MIPEP: variants seen among roughly 807,000 people sequenced by gnomAD.
The protein encoded by MIPEP is mitochondrial intermediate peptidase.
A neutral mutation model predicts 90.3 loss-of-function variants in MIPEP; 79 were observed. That is an observed-to-expected ratio of 0.87 (90% CI 0.73 to 1.05). MIPEP has a LOEUF of 1.05. Ranked by LOEUF, MIPEP falls within the 50% of genes least tolerant of loss-of-function variation. The pLI is 0.00. For missense variants in MIPEP, 940 were observed against 905.6 expected (o/e 1.04, Z -0.49); for synonymous variants, 334 against 315.8 (o/e 1.06, Z -0.61).
chr13:23,738,867 C>T (rs1199163813), intron 18 of MIPEP, among the ~76,000 whole-genome samples: 1 of 152,200 alleles, frequency 6.6e-6, no homozygotes, highest in African/African-American at 2.4e-5. Flanking sequence ...CCGAGCCCTG[C>T]TGAATCAGAA....
At chr13:23,730,845 T>A (rs917913858) in intron 18 of MIPEP, among the ~76,000 whole-genome samples, 1 of 152,230 alleles carries the variant, frequency 6.6e-6, no homozygotes, top group Non-Finnish European at 1.5e-5. Context: ...CTATACACTT[T>A]ACAATCAATT....
Position 23,738,163 on chromosome 13 carries a change from A to C in MIPEP, c.2045-7718T>G, listed in dbSNP as rs368799729. 3.8e-4 allele frequency among the ~76,000 whole-genome samples: 58 copies of C among 152,302 alleles called. 1 individual carries two copies. The South Asian group carries it at 4.4e-3, about 11-fold the overall frequency. Reference sequence around the variant, plus strand: ...GAAGGCAAAACAAACAAACAACCCCAAAAAAGAAAAAACATGTTATTTATT... The same window carrying C: ...GAAGGCAAAACAAACAAACAACCCCCAAAAAGAAAAAACATGTTATTTATT... On this transcript the variant is annotated intron_variant, in intron 18 of 18. Transcript: ENST00000382172.
chr13:23,794,002 T>C (rs185975570), intron 16 of MIPEP, among the ~76,000 whole-genome samples: 285 of 152,196 alleles, frequency 1.9e-3, no homozygotes, highest in African/African-American at 6.7e-3. Context: ...CTCAAATCTG[T>C]ATTTAGAAAA....
chr13:23,792,920 G>A (rs1021204509), intron 16 of MIPEP, among the ~76,000 whole-genome samples: 8 of 152,186 alleles, frequency 5.3e-5, no homozygotes, highest in African/African-American at 1.9e-4. Context: ...CATTCTCCAT[G>A]CTCCAGAATG....
intron 18 of MIPEP, among the ~76,000 whole-genome samples, chr13:23,743,070 C>T (rs752814252): frequency 2.0e-5 from 3 of 152,294 alleles, no homozygotes; most frequent in Admixed American, 6.5e-5. Context: ...CATTACTAGA[C>T]ATAACAATAA....
At chr13:23,798,447 T>C (rs1162416835) in intron 16 of MIPEP, among the ~76,000 whole-genome samples, 1 of 152,160 alleles carries the variant, frequency 6.6e-6, no homozygotes, top group Non-Finnish European at 1.5e-5. Context: ...GTATATCTGA[T>C]TATGTCCCCA....
chr13:23,733,152 A>G lies in MIPEP; in HGVS notation c.2045-2707T>C, dbSNP rs574479627. Among the ~76,000 whole-genome samples the G allele has an allele frequency of 6.6e-5, 10 of 152,332 alleles. No individual in the cohort carries two copies. The South Asian group carries it at 1.9e-3, about 28-fold the overall frequency. ...AATTTTAACATAAAATCTTGAGAAAAAGTAAACTGTAGATGCTAATAGCAT... is the reference window on the plus strand; with the variant it reads ...AATTTTAACATAAAATCTTGAGAAAGAGTAAACTGTAGATGCTAATAGCAT... On this transcript the variant is annotated intron_variant, in intron 18 of 18. Coordinates refer to ENST00000382172, the MANE Select transcript of MIPEP (RefSeq NM_005932.4).
At chr13:23,871,288 T>C (rs563924068) in intron 5 of MIPEP, among the ~76,000 whole-genome samples, 1 of 152,338 alleles carries the variant, frequency 6.6e-6, no homozygotes, top group East Asian at 1.9e-4. Flanking sequence ...AAACGTGTAT[T>C]AGCAAAGGGG....
intron 10 of MIPEP, among the ~76,000 whole-genome samples, chr13:23,854,043 T>C: frequency 6.6e-6 from 1 of 150,622 alleles, no homozygotes. Flanking sequence ...TCTTGGTAAT[T>C]GGCCAGGCGC....
chr13:23,763,817 C>T (rs1465719435), intron 16 of MIPEP, among the ~76,000 whole-genome samples: 2 of 152,202 alleles, frequency 1.3e-5, no homozygotes, highest in African/African-American at 4.8e-5. Flanking sequence ...CAGGACTACA[C>T]CTCAAGACAT....
chr13:23,829,618 T>C (rs1868637936), intron 14 of MIPEP, among the ~76,000 whole-genome samples: 1 of 151,954 alleles, frequency 6.6e-6, no homozygotes, highest in Admixed American at 6.6e-5. Context: ...AAAATGAGCA[T>C]GAGACAAAAA....
intron 2 of MIPEP, among the ~76,000 whole-genome samples, chr13:23,882,092 C>T (rs1335749331): frequency 1.9e-4 from 26 of 138,188 alleles, no homozygotes; most frequent in South Asian, 1.1e-3. Context: ...TTTTTTGAGA[C>T]GGAGTCTTGC....
At chr13:23,791,247 C>T (rs1019156037) in intron 16 of MIPEP, among the ~76,000 whole-genome samples, 3 of 152,142 alleles carry the variant, frequency 2.0e-5, no homozygotes, top group African/African-American at 7.2e-5. Flanking sequence ...AGCTAGGCAC[C>T]GAGTATGGCC....
At chr13:23,747,914 T>C (rs1249197074) in intron 18 of MIPEP, among the ~76,000 whole-genome samples, 1 of 152,002 alleles carries the variant, frequency 6.6e-6, no homozygotes, top group Non-Finnish European at 1.5e-5. Flanking sequence ...CTAATTTTTG[T>C]ATTTTTAGTA....
chr13:23,800,920 A>T (rs1225708666), intron 16 of MIPEP, among the ~76,000 whole-genome samples: 2 of 152,222 alleles, frequency 1.3e-5, no homozygotes, highest in Non-Finnish European at 2.9e-5. Flanking sequence ...TTGCTCAAAG[A>T]TAACTAGTGC....
At chr13:23,744,224 T>C (rs778262452) in intron 18 of MIPEP, among the ~76,000 whole-genome samples, 26 of 152,238 alleles carry the variant, frequency 1.7e-4, no homozygotes, top group Non-Finnish European at 3.7e-4. Context: ...CTAGTATATA[T>C]ATTAGCTACT....
rs143928665 is a variant in MIPEP at position 23,824,718 on chromosome 13, A to T, written c.1653+11522T>A. On this transcript the variant is annotated intron_variant, in intron 14 of 18. Coordinates refer to ENST00000382172, the MANE Select transcript of MIPEP (RefSeq NM_005932.4). ...ATCCAGATGGCACATAATCAATAAA[A>T]TAAAAATGTTGGCTAGGCCCAAGGA... Among the ~76,000 whole-genome samples, 1,319 of 152,372 alleles carry T rather than the reference A, an allele frequency of 8.7e-3. 10 individuals carry two copies. The highest frequency in any genetic ancestry group is 0.015 in the Non-Finnish European group (994 of 68,030).
chr13:23,831,384 G>GGC (rs1032890225), intron 14 of MIPEP, among the ~76,000 whole-genome samples: 1 of 25,998 alleles, frequency 3.8e-5, no homozygotes, highest in African/African-American at 7.2e-5. Flanking sequence ...TCCCCATGGC[G>GGC]GGGGGGGGAT....
chr13:23,821,715 G>C (rs1280424906), intron 14 of MIPEP, among the ~76,000 whole-genome samples: 1 of 151,934 alleles, frequency 6.6e-6, no homozygotes, highest in African/African-American at 2.4e-5. Context: ...CAAGTCCCTG[G>C]TATAAAATAG....
Sources: allele counts gnomAD v4.1 joint callset (sites outside exome capture counted in the v4.1 genomes callset), GRCh38; gene constraint gnomAD v4.1.1; transcripts MANE v1.5; gene names NCBI Gene and HGNC (gene_info 2026-07-23, HGNC 2026-07-21).